Variants in FSTL1 observed in about 807,000 individuals in gnomAD.
The protein encoded by FSTL1 is follistatin like 1.
Under a neutral mutation model 45.9 loss-of-function variants are expected in FSTL1, and 24 were observed. The ratio of observed to expected loss-of-function variants is 0.52; its 90% CI spans 0.38 to 0.74. The LOEUF is 0.74. Among genes scored for constraint, FSTL1 ranks in the 30% least tolerant of loss-of-function variants. The pLI, the probability that FSTL1 is intolerant of heterozygous loss-of-function variation, is 0.00. For synonymous variants in FSTL1, 120 were observed against 137.6 expected (o/e 0.87, Z 0.89); for missense variants, 340 against 381.8 (o/e 0.89, Z 0.91).
intron 2 of FSTL1, among the ~76,000 whole-genome samples, chr3:120,440,791 T>G (rs943051126): frequency 6.6e-6 from 1 of 152,254 alleles, no homozygotes; most frequent in African/African-American, 2.4e-5. Context: ...TCGTGAATGT[T>G]TGGCAGCTCC....
chr3:120,407,091 A>G (rs747503805), intron 6 of FSTL1, among the ~76,000 whole-genome samples: 2 of 152,218 alleles, frequency 1.3e-5, no homozygotes, highest in Non-Finnish European at 2.9e-5. Flanking sequence ...TTATGGCATC[A>G]TGTTGGTGCT....
intron 3 of FSTL1, among the ~76,000 whole-genome samples, chr3:120,414,624 C>T (rs1235848442): frequency 6.6e-6 from 1 of 152,010 alleles, no homozygotes; most frequent in Non-Finnish European, 1.5e-5. Flanking sequence ...ACATGGGAGA[C>T]TTTTCATTTT....
chr3:120,449,100 T>TGAAGGG (rs1937822975), intron 2 of FSTL1, among the ~76,000 whole-genome samples: 1 of 152,162 alleles, frequency 6.6e-6, no homozygotes, highest in Non-Finnish European at 1.5e-5. Flanking sequence ...ATGCAAACCC[T>TGAAGGG]GGAAAACCAG....
intron 3 of FSTL1, among the ~76,000 whole-genome samples, chr3:120,414,545 G>T (rs1937152168): frequency 6.6e-6 from 1 of 152,152 alleles, no homozygotes; most frequent in Non-Finnish European, 1.5e-5. Flanking sequence ...TTGTGGAATA[G>T]AAAGGCGGGA....
At chr3:120,418,187 C>A (rs147155161) in intron 2 of FSTL1, among the ~76,000 whole-genome samples, 1 of 152,278 alleles carries the variant, frequency 6.6e-6, no homozygotes, top group East Asian at 1.9e-4. Context: ...TTGAATAGTA[C>A]AATTTACAAA....
chr3:120,409,021 A>G (rs1324084042), intron 6 of FSTL1, among the ~76,000 whole-genome samples: 1 of 152,210 alleles, frequency 6.6e-6, no homozygotes, highest in Non-Finnish European at 1.5e-5. Flanking sequence ...TATGATTGGG[A>G]ACAGCAATAT....
Position 120,395,454 on chromosome 3 carries a change from T to G in FSTL1, c.*1498A>C. 1 of 357,672 alleles carries G rather than the reference T, an allele frequency of 2.8e-6. No individual in the cohort carries two copies. 22.2% of individuals were successfully genotyped at this position (357,672 alleles called of 1,614,324 possible). ...TTGAATCTGAAACTTTCTTTTATCC[T>G]CATCTCTAAGGGAATGCTTTCTATT... On this transcript the variant is annotated 3_prime_UTR_variant, in exon 11 of 11. Transcript: ENST00000295633.
intron 2 of FSTL1, among the ~76,000 whole-genome samples, chr3:120,429,681 G>A (rs1394502822): frequency 6.6e-6 from 1 of 152,118 alleles, no homozygotes; most frequent in Non-Finnish European, 1.5e-5. Context: ...TTACTGCTCT[G>A]GGCATGAACT....
intron 3 of FSTL1, among the ~76,000 whole-genome samples, chr3:120,415,425 T>A (rs1937170532): frequency 6.6e-6 from 1 of 152,224 alleles, no homozygotes; most frequent in African/African-American, 2.4e-5. Flanking sequence ...TAGAGGGTTG[T>A]CCCTGATAAA....
At chr3:120,406,988 T>C (rs188289175) in intron 6 of FSTL1, among the ~76,000 whole-genome samples, 4 of 152,388 alleles carry the variant, frequency 2.6e-5, no homozygotes, top group African/African-American at 7.2e-5. Context: ...GGTAATTTTA[T>C]ACAATAGTTT....
intron 2 of FSTL1, among the ~76,000 whole-genome samples, chr3:120,428,730 T>A (rs753858626): frequency 6.2e-5 from 9 of 145,426 alleles, no homozygotes; most frequent in African/African-American, 2.0e-4. Flanking sequence ...TGAGACTCTG[T>A]CTCAGACAAA....
chr3:120,427,906 A>G (rs991641000), intron 2 of FSTL1, among the ~76,000 whole-genome samples: 1 of 152,202 alleles, frequency 6.6e-6, no homozygotes, highest in Non-Finnish European at 1.5e-5. Flanking sequence ...GGGCAGCCAA[A>G]GAGCTGCCTG....
intron 2 of FSTL1, among the ~76,000 whole-genome samples, chr3:120,447,259 G>C (rs537667916): frequency 4.6e-5 from 7 of 152,326 alleles, no homozygotes; most frequent in Non-Finnish European, 1.0e-4. Flanking sequence ...CAATGGGAGG[G>C]GGATGGGAAA....
chr3:120,415,654 C>CT (rs1937175181), intron 3 of FSTL1: 1 of 324,826 alleles, frequency 3.1e-6, no homozygotes, highest in Admixed American at 4.5e-5. Context: ...TAATTTTATG[C>CT]TTGTGTAAAT....
At chr3:120,407,468 G>A (rs537017199) in intron 6 of FSTL1, among the ~76,000 whole-genome samples, 9 of 152,284 alleles carry the variant, frequency 5.9e-5, no homozygotes, top group African/African-American at 1.7e-4. Context: ...ATTCTGTTAC[G>A]CTTTCACCTA....
chr3:120,450,722 C>T lies in FSTL1; in HGVS notation c.25G>A (p.Ala9Thr). The change falls in exon 2 of 11, where the codon GCG (alanine) becomes ACG (threonine). Residue 9 changes from alanine to threonine, a missense_variant. Transcript: ENST00000295633. MWKRWLAL[A>T]LALVAVAWVR... ...CAGGCGACCGCCACCAGCGCGAGCG[C>T]GAGCGCGAGCCAGCGTTTCCACATC... 6.4e-7 allele frequency: 1 copy of T among 1,563,034 alleles called. No homozygotes were observed. Among genetic ancestry groups the T allele is most frequent in the South Asian group, 1.2e-5 (1 of 85,982 alleles).
At chr3:120,400,646 T>C (rs1560010388) in intron 9 of FSTL1, among the ~76,000 whole-genome samples, 1 of 152,230 alleles carries the variant, frequency 6.6e-6, no homozygotes, top group Non-Finnish European at 1.5e-5. Flanking sequence ...AACATTGCTA[T>C]CAACCTTCCC....
Position 120,415,955 on chromosome 3 carries a change from C to T in FSTL1, c.136G>A (p.Glu46Lys), listed in dbSNP as rs1937180462. The T allele has an allele frequency of 6.2e-7, 1 of 1,613,746 alleles. No homozygotes were observed. Among genetic ancestry groups the T allele is most frequent in the Admixed American group, 1.7e-5 (1 of 60,004 alleles). The change falls in exon 3 of 11, where the codon GAG becomes AAG. Residue 46 changes from glutamate to lysine, a missense_variant. Glu to Lys is a moderately conservative substitution (Grantham distance 56). Coordinates refer to ENST00000295633, the MANE Select transcript of FSTL1 (RefSeq NM_007085.5). ...CAGAGACAGGTGGGTTCCCCTTTCT[C>T]TGTGACTGCACATTCCCGGCCGGCT... ...CGAGRECAVT[E>K]KGEPTCLCIE... is the part of the protein sequence containing the mutation.
rs75773464 is a variant in FSTL1 at position 120,442,158 on chromosome 3, A to G, written c.63+8526T>C. 7.7e-3 allele frequency among the ~76,000 whole-genome samples: 1,179 copies of G among 152,344 alleles called. 13 individuals carry two copies. The highest frequency in any genetic ancestry group is 0.038 in the East Asian group (196 of 5,180). ...GGTATTTGTTTTTGGTGTTGACTAT[A>G]CACCATGAGTAGAGGAGACCTTTTC... On this transcript the variant is annotated intron_variant, in intron 2 of 10. Transcript: ENST00000295633.
Sources: gnomAD v4.1 joint callset for allele counts (sites outside exome capture counted in the v4.1 genomes callset) on GRCh38, gnomAD v4.1.1 for gene constraint, MANE v1.5 for transcripts, NCBI Gene and HGNC (gene_info 2026-07-23, HGNC 2026-07-21) for gene names.